Variants in CAMK1 observed in about 807,000 individuals in gnomAD.
The protein encoded by CAMK1 is calcium/calmodulin dependent protein kinase I.
In CAMK1, 39 loss-of-function variants were observed where a neutral mutation model predicts 49.1. The ratio of observed to expected loss-of-function variants is 0.79; its 90% CI spans 0.62 to 1.04. CAMK1 has a LOEUF of 1.04. Ranked by LOEUF, CAMK1 falls within the 50% of genes least tolerant of loss-of-function variation. The pLI is 0.00. For missense variants in CAMK1, 457 were observed against 472.2 expected (o/e 0.97, Z 0.30); for synonymous variants, 192 against 185.2 (o/e 1.04, Z -0.30).
Position 9,761,704 on chromosome 3 carries a change from G to A in CAMK1, c.483C>T (p.Ser161=), listed in dbSNP as rs770520271. 32 of 1,614,030 alleles carry A rather than the reference G, an allele frequency of 2.0e-5. No individual in the cohort carries two copies. Among genetic ancestry groups the A allele is most frequent in the Admixed American group, 1.0e-4 (6 of 59,996 alleles). Residue 161 remains serine (S), a synonymous_variant, in exon 6 of 12, where the codon TCC becomes TCT. Transcript: ENST00000256460. ...SLDEDSKIMI[S]DFGLSKMEDP... ...CCTCCATCTTGGAGAGGCCAAAGTC[G>A]GAGATCATGATTTTGGAGTCTTCAT... is the stretch of plus-strand genomic sequence containing the variant.
intron 5 of CAMK1, chr3:9,761,959 A>G (rs761368031): frequency 1.0e-3 from 664 of 652,222 alleles, no homozygotes; most frequent in Non-Finnish European, 1.6e-3. Flanking sequence ...TGTGGGGGGG[A>G]ACTGTCTCTA....
Position 9,763,064 on chromosome 3 carries a change from G to T in CAMK1, c.291-12C>A, listed in dbSNP as rs755253240. The T allele has an allele frequency of 6.2e-7, 1 of 1,614,172 alleles. No individual in the cohort carries two copies. The highest frequency in any genetic ancestry group is 8.5e-7 in the Non-Finnish European group (1 of 1,180,000). On this transcript the variant is annotated splice_polypyrimidine_tract_variant and intron_variant, in intron 4 of 11. Coordinates refer to ENST00000256460, the MANE Select transcript of CAMK1 (RefSeq NM_003656.5). ...CCCCACCCGACACCCTGCAGCAGGGGATAGGGCAGTCTGGCAAAGAGGGTT... is the reference window on the plus strand; with the variant it reads ...CCCCACCCGACACCCTGCAGCAGGGTATAGGGCAGTCTGGCAAAGAGGGTT...
At chr3:9,760,404 G>A (rs1215916233) in intron 8 of CAMK1, 20 of 430,034 alleles carry the variant, frequency 4.7e-5, no homozygotes, top group Non-Finnish European at 7.8e-5. Context: ...GTGTCAATAG[G>A]GGAGAGGTAT....
At chr3:9,766,110 T>G (rs774570661) in intron 2 of CAMK1, 8 of 1,370,318 alleles carry the variant, frequency 5.8e-6, no homozygotes, top group Non-Finnish European at 8.2e-6. Context: ...GGTCATGTGA[T>G]GCAAGCCAGC....
chr3:9,760,422 T>C (rs183656675), intron 8 of CAMK1: 23 of 465,048 alleles, frequency 4.9e-5, no homozygotes, highest in Non-Finnish European at 7.9e-5. Flanking sequence ...TATTTTCAAA[T>C]AGACTATGTT....
Position 9,760,930 on chromosome 3 carries a change from T to C in CAMK1, c.633-162A>G, listed in dbSNP as rs900169500. On this transcript the variant is annotated intron_variant, in intron 7 of 11. Coordinates refer to ENST00000256460, the MANE Select transcript of CAMK1 (RefSeq NM_003656.5). ...GCTCACTCCTGTTCTAGCTACATTA[T>C]CCTTTCTGTTCCTTGTATGTGCCGC... 4.8e-6 allele frequency: 5 copies of C among 1,048,712 alleles called. No homozygotes were observed. In the Admixed American group the frequency reaches 8.2e-5, roughly 17 times the overall value. 65.0% of individuals were successfully genotyped at this position (1,048,712 alleles called of 1,614,324 possible).
In CAMK1 at chr3:9,760,366, T is replaced by C. The variant is rs1283060937; in HGVS notation, c.745+290A>G. 3 of 304,858 alleles carry C rather than the reference T, an allele frequency of 9.8e-6. No individual in the cohort carries two copies. The East Asian group carries it at 2.1e-4, about 22-fold the overall frequency. The allele number at this position is 304,858 out of a possible 1,614,324, so 18.9% of individuals were successfully genotyped here. On this transcript the variant is annotated intron_variant, in intron 8 of 11. Transcript: ENST00000256460. ...AGGGGGCACAAAAGGAGGATGAAAA[T>C]GTTTATGGTGGTGTTTTAGACATTA... is the stretch of plus-strand genomic sequence containing the variant.
intron 3 of CAMK1, 100 bp from the exon 4 acceptor site, chr3:9,763,313 G>A: frequency 6.8e-7 from 1 of 1,467,234 alleles, no homozygotes; most frequent in Non-Finnish European, 9.3e-7. Context: ...GGATCACTTG[G>A]CCCCAGCAGT....
rs771951586 is a variant in CAMK1 at position 9,757,638 on chromosome 3, A to G, written c.1031-17T>C. The G allele has an allele frequency of 6.2e-7, 1 of 1,614,118 alleles. No individual in the cohort carries two copies. Among genetic ancestry groups the G allele is most frequent in the South Asian group, 1.1e-5 (1 of 91,088 alleles). On this transcript the variant is annotated splice_polypyrimidine_tract_variant and intron_variant, in intron 11 of 11. Transcript: ENST00000256460. This position sits in a 1 kb window ranked among gnomAD's most constrained non-coding sequence, Gnocchi z 4.5. ...CTGCCGGCCCTGCATGGGAAGACAGAACAGAGGTGGCCGCAGGGGCAGGCC... is the reference window on the plus strand; with the variant it reads ...CTGCCGGCCCTGCATGGGAAGACAGGACAGAGGTGGCCGCAGGGGCAGGCC...
chr3:9,763,761 G>T lies in CAMK1; in HGVS notation c.216-548C>A, dbSNP rs578090637. On this transcript the variant is annotated intron_variant, in intron 3 of 11. Coordinates refer to ENST00000256460, the MANE Select transcript of CAMK1 (RefSeq NM_003656.5). ...AGCACTTTGGGAGGCCAAGGCAGGC[G>T]GATCACTTGAGGTCAGGAGTTCGAG... is the stretch of plus-strand genomic sequence containing the variant. Among the ~76,000 whole-genome samples, 5 of 152,218 alleles carry T rather than the reference G, an allele frequency of 3.3e-5. No individual in the cohort carries two copies. In the East Asian group the frequency reaches 9.7e-4, roughly 29 times the overall value.
intron 9 of CAMK1, 48 bp downstream of exon 9, chr3:9,759,624 T>G: frequency 6.2e-7 from 1 of 1,614,094 alleles, no homozygotes. Context: ...GAAGCAGACC[T>G]GAGGGCCCCA....
intron 5 of CAMK1, chr3:9,762,358 TTTTTA>T (rs1448447753): frequency 6.5e-6 from 1 of 153,524 alleles, no homozygotes; most frequent in African/African-American, 2.4e-5. Context: ...GGATTTTTTG[TTTTTA>T]TTTTATTTTT....
intron 2 of CAMK1, 128 bp downstream of exon 2, chr3:9,767,539 A>T: frequency 8.5e-7 from 1 of 1,177,916 alleles, no homozygotes; most frequent in Non-Finnish European, 1.2e-6. Flanking sequence ...GGGACAGTTT[A>T]GGCCCTAGAT....
chr3:9,766,421 C>T (rs1225284904), intron 2 of CAMK1: 1 of 474,110 alleles, frequency 2.1e-6, no homozygotes, highest in Non-Finnish European at 3.9e-6. Context: ...AAAGAACCAT[C>T]AGCATCACCC....
At chr3:9,761,264 ATT>A (rs1239679666) in intron 7 of CAMK1, 195 bp downstream of exon 7, 3 of 587,746 alleles carry the variant, frequency 5.1e-6, no homozygotes, top group African/African-American at 3.7e-5. Flanking sequence ...GCTGTGCTAA[ATT>A]TACCCCAGTG....
At chr3:9,759,640 C>G in intron 9 of CAMK1, 32 bp downstream of exon 9, 1 of 1,614,064 alleles carries the variant, frequency 6.2e-7, no homozygotes. Context: ...CCCCAAATCC[C>G]GCCCCAGCTC....
At chr3:9,761,933 A>G (rs2077896825) in intron 5 of CAMK1, 176 bp from the exon 6 acceptor site, 2 of 906,476 alleles carry the variant, frequency 2.2e-6, no homozygotes, top group East Asian at 5.5e-5. Flanking sequence ...TCCAGGAAGG[A>G]CAAGGCTCAA....
rs2077649403 is a variant in CAMK1 at position 9,757,696 on chromosome 3, C to T, written c.1030+33G>A. The T allele has an allele frequency of 1.2e-6, 2 of 1,613,916 alleles. No individual in the cohort carries two copies. The highest frequency in any genetic ancestry group is 1.3e-5 in the African/African-American group (1 of 74,930). On this transcript the variant is annotated intron_variant, in intron 11 of 11. Coordinates refer to ENST00000256460, the MANE Select transcript of CAMK1 (RefSeq NM_003656.5). The surrounding 1 kb of genome is among the most constrained non-coding windows in gnomAD (Gnocchi z 4.5). Reference sequence around the variant, plus strand: ...CCAGCCCGGGTGCACCTTTGTGGACCACCCATGCCCTTCTGCAGAGCCCGC... The same window carrying T: ...CCAGCCCGGGTGCACCTTTGTGGACTACCCATGCCCTTCTGCAGAGCCCGC...
At chr3:9,760,943 T>A in intron 7 of CAMK1, 175 bp from the exon 8 acceptor site, 1 of 984,056 alleles carries the variant, frequency 1.0e-6, no homozygotes, top group Non-Finnish European at 1.5e-6. Context: ...TTTCTGTTCC[T>A]TGTATGTGCC....
Sources: gnomAD v4.1 joint callset for allele counts (sites outside exome capture counted in the v4.1 genomes callset) on GRCh38, gnomAD v4.1.1 for gene constraint, Gnocchi (gnomAD v3.1) non-coding constraint, MANE v1.5 for transcripts, NCBI Gene and HGNC (gene_info 2026-07-23, HGNC 2026-07-21) for gene names.